Variants in STARD13 observed in about 807,000 individuals in gnomAD.
The protein encoded by STARD13 is StAR related lipid transfer domain containing 13.
STARD13 carries 62 observed loss-of-function variants against 106.4 expected under a neutral mutation model. That is an observed-to-expected ratio of 0.58 (90% CI 0.48 to 0.72). The LOEUF is 0.72. STARD13 is among the 30% of genes least tolerant of loss of function. The probability of loss-of-function intolerance (pLI) is 0.00; values close to 1 mark genes in which losing one functional copy is unlikely to be tolerated. For synonymous variants in STARD13, 565 were observed against 553.0 expected (o/e 1.02, Z -0.31); for missense variants, 1,387 against 1,424.0 (o/e 0.97, Z 0.42).
chr13:33,623,428 T>TAAAAAAAAA, the STARD13 span, among the ~76,000 whole-genome samples: 124 of 58,804 alleles, frequency 2.1e-3, no homozygotes, highest in Non-Finnish European at 4.1e-3. Context: ...CTCAATAAAG[T>TAAAAAAAAA]AAAAAAAAAA....
chr13:33,138,476 C>T (rs1269031223), intron 4 of STARD13: 1 of 140,960 alleles, frequency 7.1e-6, no homozygotes, highest in African/African-American at 2.6e-5. Context: ...TCCTCAGAGA[C>T]AGATGCCAAC....
the STARD13 span, among the ~76,000 whole-genome samples, chr13:33,518,541 C>A: frequency 1.1e-4 from 17 of 151,760 alleles, no homozygotes; most frequent in Non-Finnish European, 2.2e-4. Flanking sequence ...TTTTGTTATG[C>A]AAATATGGGA....
the STARD13 span, among the ~76,000 whole-genome samples, chr13:33,615,122 A>C: frequency 6.6e-6 from 1 of 152,206 alleles, no homozygotes; most frequent in Non-Finnish European, 1.5e-5. Context: ...GAGTCAACAG[A>C]ACTTACTAAT....
intron 1 of STARD13, among the ~76,000 whole-genome samples, chr13:33,173,934 C>T (rs536343564): frequency 6.6e-6 from 1 of 152,298 alleles, no homozygotes; most frequent in Admixed American, 6.5e-5. Flanking sequence ...ACTTCTTTCC[C>T]AAACGCAAGA....
At chr13:33,641,779 C>T in the STARD13 span, among the ~76,000 whole-genome samples, 1 of 152,098 alleles carries the variant, frequency 6.6e-6, no homozygotes, top group Non-Finnish European at 1.5e-5. Context: ...ATCAGGAAAC[C>T]GAATTCCAGA....
the STARD13 span, among the ~76,000 whole-genome samples, chr13:33,360,722 A>ATTCCTTCTGTGT: frequency 7.2e-6 from 1 of 138,834 alleles, no homozygotes; most frequent in Non-Finnish European, 1.6e-5. Context: ...GTGTAGACAG[A>ATTCCTTCTGTGT]AGGACATATT....
At chr13:33,478,055 T>C in the STARD13 span, among the ~76,000 whole-genome samples, 2 of 152,188 alleles carry the variant, frequency 1.3e-5, no homozygotes, top group Admixed American at 1.3e-4. Context: ...CTGCTTCCTG[T>C]TTACCAACTC....
intron 1 of STARD13, among the ~76,000 whole-genome samples, chr13:33,265,951 G>A (rs1890876228): frequency 1.3e-5 from 2 of 152,102 alleles, no homozygotes; most frequent in Non-Finnish European, 2.9e-5. Flanking sequence ...ATTTTATAAG[G>A]CATGTAAACA....
At chr13:33,166,998 A>C (rs905649356) in intron 2 of STARD13, among the ~76,000 whole-genome samples, 24 of 146,936 alleles carry the variant, frequency 1.6e-4, no homozygotes, top group African/African-American at 6.4e-4. Context: ...TATCTCAAAA[A>C]AAAACAAAAA....
chr13:33,370,545 CA>C, the STARD13 span, among the ~76,000 whole-genome samples: 29 of 151,738 alleles, frequency 1.9e-4, no homozygotes, highest in East Asian at 2.3e-3. Context: ...TTATGTAAAA[CA>C]AAATTGTATT....
the STARD13 span, among the ~76,000 whole-genome samples, chr13:33,532,989 GGT>G: frequency 6.6e-6 from 1 of 152,188 alleles, no homozygotes; most frequent in Non-Finnish European, 1.5e-5. Flanking sequence ...AAAGAACCCA[GGT>G]GAGGCAAACA....
the STARD13 span, among the ~76,000 whole-genome samples, chr13:33,464,278 T>G: frequency 6.6e-6 from 1 of 152,058 alleles, no homozygotes; most frequent in Non-Finnish European, 1.5e-5. Context: ...TTGGTCTTTA[T>G]TTGAATGTTC....
intron 1 of STARD13, among the ~76,000 whole-genome samples, chr13:33,334,308 A>T (rs2138569641): frequency 6.6e-6 from 1 of 152,304 alleles, no homozygotes; most frequent in South Asian, 2.1e-4. Context: ...ACTACAAAAG[A>T]AATCTTGCTG....
At chr13:33,293,170 C>T (rs1333809648) in intron 1 of STARD13, among the ~76,000 whole-genome samples, 1 of 152,112 alleles carries the variant, frequency 6.6e-6, no homozygotes, top group Non-Finnish European at 1.5e-5. Flanking sequence ...CCTATAGCCC[C>T]TCTCCCAATT....
chr13:33,217,329 C>A (rs1888100265), intron 1 of STARD13, among the ~76,000 whole-genome samples: 1 of 152,160 alleles, frequency 6.6e-6, no homozygotes, highest in Admixed American at 6.5e-5. Flanking sequence ...GCTGCCCCAC[C>A]CTTGTGACTC....
intron 7 of STARD13, among the ~76,000 whole-genome samples, chr13:33,120,025 G>A (rs111754937): frequency 1.6e-3 from 242 of 152,330 alleles, no homozygotes; most frequent in African/African-American, 5.6e-3. Context: ...GATTTTGGAA[G>A]GAGGCCCAGG....
At chr13:33,616,110 A>G in the STARD13 span, among the ~76,000 whole-genome samples, 1 of 152,046 alleles carries the variant, frequency 6.6e-6, no homozygotes, top group African/African-American at 2.4e-5. Flanking sequence ...ATTTGCTTAA[A>G]AAAGAAAAAG....
At chr13:33,569,572 A>T in the STARD13 span, among the ~76,000 whole-genome samples, 1 of 147,648 alleles carries the variant, frequency 6.8e-6, no homozygotes, top group Non-Finnish European at 1.5e-5. Flanking sequence ...ATGTTAAATG[A>T]GGTGAAAGTG....
the STARD13 span, among the ~76,000 whole-genome samples, chr13:33,485,122 C>A: frequency 6.6e-6 from 1 of 152,138 alleles, no homozygotes; most frequent in African/African-American, 2.4e-5. Context: ...GGAATATTTT[C>A]TCTCAAACTC....
Sources: gnomAD v4.1 joint callset for allele counts (sites outside exome capture counted in the v4.1 genomes callset) on GRCh38, gnomAD v4.1.1 for gene constraint, MANE v1.5 for transcripts, NCBI Gene and HGNC (gene_info 2026-07-23, HGNC 2026-07-21) for gene names.